The following CYTH1 variants were observed in gnomAD, a reference collection of about 807,000 sequenced individuals.
The protein encoded by CYTH1 is cytohesin-1.
A neutral mutation model predicts 61.8 loss-of-function variants in CYTH1; 18 were observed. The ratio of observed to expected loss-of-function variants is 0.29; its 90% confidence interval spans 0.20 to 0.43. The LOEUF (loss-of-function observed/expected upper bound fraction) is 0.43, where lower values mean the gene tolerates loss of function less well. CYTH1 is among the 20% of genes least tolerant of loss of function. The pLI is 1.00. For synonymous variants in CYTH1, 174 were observed against 184.3 expected, an observed-to-expected ratio of 0.94 and a Z score of 0.45; for missense variants, 336 against 510.5, an observed-to-expected ratio of 0.66 and a Z score of 3.29.
intron 1 of CYTH1, among the ~76,000 whole-genome samples, chr17:78,728,990 C>T (rs549918654): frequency 2.0e-5 from 3 of 152,128 alleles, no homozygotes; most frequent in South Asian, 2.1e-4. Flanking sequence ...TGCTCATTTG[C>T]GACATGAAAA....
rs761863918 is a variant in CYTH1, at chr17:78,676,089, G to A, written c.*2C>T. ...CGCAGACCAACGCCCTTGGCTGCAC[G>A]CTCAGTGTCGCTTCGTGGAGGAGAC... On this transcript the variant is annotated 3_prime_UTR_variant, in exon 14 of 14. Coordinates refer to ENST00000446868, the MANE Select transcript of CYTH1 (RefSeq NM_004762.6). The A allele has an allele frequency of 2.0e-5, 32 of 1,606,188 alleles. No individual in the cohort carries two copies. Among genetic ancestry groups the A allele is most frequent in the Middle Eastern group, 1.7e-4 (1 of 6,050 alleles).
At chr17:78,689,797 G>C (rs2092858904) in intron 11 of CYTH1, among the ~76,000 whole-genome samples, 1 of 152,146 alleles carries the variant, frequency 6.6e-6, no homozygotes, top group Non-Finnish European at 1.5e-5. Context: ...CCACCCAGCA[G>C]GGGATTTTAC....
intron 1 of CYTH1, among the ~76,000 whole-genome samples, chr17:78,721,962 G>A (rs148413864): frequency 4.5e-4 from 69 of 152,210 alleles, no homozygotes; most frequent in Middle Eastern, 6.8e-3. Context: ...CAGGAGAATC[G>A]CTTGAACCTG....
At chr17:78,725,316 G>A (rs866827050) in intron 1 of CYTH1, among the ~76,000 whole-genome samples, 1 of 152,126 alleles carries the variant, frequency 6.6e-6, no homozygotes, top group South Asian at 2.1e-4. Context: ...AAATAACCAG[G>A]TGATAAATTA....
At chr17:78,771,628 G>A (rs2093471600) in intron 1 of CYTH1, among the ~76,000 whole-genome samples, 1 of 151,962 alleles carries the variant, frequency 6.6e-6, no homozygotes, top group Non-Finnish European at 1.5e-5. Context: ...CTACTTGGGA[G>A]GCTGAGGCAG....
intron 1 of CYTH1, among the ~76,000 whole-genome samples, chr17:78,742,289 C>T (rs141115641): frequency 6.6e-6 from 1 of 152,354 alleles, no homozygotes; most frequent in African/African-American, 2.4e-5. Context: ...CCTGCTGGGC[C>T]AGTGGCTCAT....
chr17:78,782,058 CTCGCCCGCCGG>C (rs2093521000), intron 1 of CYTH1, 133 bp downstream of exon 1: 1 of 724,244 alleles, frequency 1.4e-6, no homozygotes. Flanking sequence ...CCGCGCACCG[CTCGCCCGCCGG>C]TCGCCCCGGG....
intron 1 of CYTH1, among the ~76,000 whole-genome samples, chr17:78,775,706 C>T (rs2093488346): frequency 6.6e-6 from 1 of 152,142 alleles, no homozygotes; most frequent in African/African-American, 2.4e-5. Flanking sequence ...TCTTCCTTTT[C>T]ATTTGAAAAC....
intron 1 of CYTH1, among the ~76,000 whole-genome samples, chr17:78,758,880 T>C (rs1030381082): frequency 6.6e-6 from 1 of 152,128 alleles, no homozygotes; most frequent in Non-Finnish European, 1.5e-5. Flanking sequence ...CATGCTGATA[T>C]TCCTGCTATT....
At chr17:78,782,269 GCCGCGCCAC>G (rs1425181655) in exon 1 of CYTH1, 12 of 1,203,970 alleles carry the variant, frequency 1.0e-5, no homozygotes, top group Non-Finnish European at 1.0e-5. Flanking sequence ...CTCGCGTCCC[GCCGCGCCAC>G]CCGCGCCCCC....
chr17:78,755,028 C>T (rs2093395003), intron 1 of CYTH1, among the ~76,000 whole-genome samples: 1 of 152,058 alleles, frequency 6.6e-6, no homozygotes, highest in Admixed American at 6.6e-5. Context: ...CAGTTTTATA[C>T]ACAATAGCCC....
rs115107106 is a variant in CYTH1, at chr17:78,676,555, C to T, written c.1119-386G>A. 716 of 281,840 alleles carry T rather than the reference C, an allele frequency of 2.5e-3. 2 individuals carry two copies. The highest frequency in any genetic ancestry group is 0.015 in the African/African-American group (655 of 44,868). The allele number at this position is 281,840 out of a possible 1,614,324, so 17.5% of individuals were successfully genotyped here. A position where few individuals can be genotyped will look rare whatever the true frequency, so the allele number is the denominator to read the frequency against. On this transcript the variant is annotated intron_variant, in intron 13 of 13. Coordinates refer to ENST00000446868, the MANE Select transcript of CYTH1 (RefSeq NM_004762.6). Reference sequence around the variant, plus strand: ...AGCAGCGAGTGCCACGTAATCAAGCCGTGTCACATGCAGTCCTCTGGCACG... The same window carrying T: ...AGCAGCGAGTGCCACGTAATCAAGCTGTGTCACATGCAGTCCTCTGGCACG...
At chr17:78,709,517 G>T in intron 2 of CYTH1, 133 bp downstream of exon 2, 1 of 803,748 alleles carries the variant, frequency 1.2e-6, no homozygotes. Flanking sequence ...CAACACCTAC[G>T]CTTTGTGCAG....
Position 78,700,526 on chromosome 17 carries a change from TTTTTC to T in CYTH1, c.438-88_438-84del. Reference sequence around the variant, plus strand: ...AATTGTTAAACTGCCAATGATTTTTTTTTTCTTTTTTTTTTTGAGATGGAGTCTCA... The same window carrying T: ...AATTGTTAAACTGCCAATGATTTTTTTTTTTTTTTTTGAGATGGAGTCTCA... On this transcript the variant is annotated intron_variant, in intron 6 of 13. Transcript: ENST00000446868. The surrounding 1 kb of genome is among the most constrained non-coding windows in gnomAD (Gnocchi z 5.1). 2 of 1,161,836 alleles carry T rather than the reference TTTTTC, an allele frequency of 1.7e-6. No homozygotes were observed. The highest frequency in any genetic ancestry group is 2.7e-5 in the East Asian group (1 of 37,388). 72.0% of individuals were successfully genotyped at this position (1,161,836 alleles called of 1,614,324 possible). A position where few individuals can be genotyped will look rare whatever the true frequency, so the allele number is the denominator to read the frequency against.
At chr17:78,778,683 C>A (rs979808401) in intron 1 of CYTH1, among the ~76,000 whole-genome samples, 1 of 150,664 alleles carries the variant, frequency 6.6e-6, no homozygotes, top group African/African-American at 2.4e-5. Flanking sequence ...TTTAATTAGG[C>A]CTGGCACAGT....
At chr17:78,714,706 T>A (rs2093166514) in intron 1 of CYTH1, among the ~76,000 whole-genome samples, 1 of 152,176 alleles carries the variant, frequency 6.6e-6, no homozygotes, top group Non-Finnish European at 1.5e-5. Context: ...CAAGCCTCCC[T>A]GCCCACAAGG....
intron 9 of CYTH1, among the ~76,000 whole-genome samples, chr17:78,697,208 A>G (rs2092947690): frequency 6.6e-6 from 1 of 152,050 alleles, no homozygotes; most frequent in Non-Finnish European, 1.5e-5. Flanking sequence ...ACTGACTTCT[A>G]ATCACTGGGG....
chr17:78,730,866 G>A (rs1417487387), intron 1 of CYTH1, among the ~76,000 whole-genome samples: 1 of 151,828 alleles, frequency 6.6e-6, no homozygotes, highest in Non-Finnish European at 1.5e-5. Flanking sequence ...GGGTTTCACC[G>A]TGTTAGCCAG....
intron 1 of CYTH1, among the ~76,000 whole-genome samples, chr17:78,747,164 A>G (rs139860938): frequency 0.019 from 2,787 of 149,904 alleles, 75 homozygotes; most frequent in South Asian, 0.12. Flanking sequence ...AAAAAAAAAA[A>G]AAAAAAGAAA....
Sources: gnomAD v4.1 joint callset for allele counts (sites outside exome capture counted in the v4.1 genomes callset) on GRCh38, gnomAD v4.1.1 for gene constraint, Gnocchi (gnomAD v3.1) non-coding constraint, MANE v1.5 for transcripts, NCBI Gene and HGNC (gene_info 2026-07-23, HGNC 2026-07-21) for gene names.